The following AGBL4 variants were observed in gnomAD, a reference collection of about 807,000 sequenced individuals.
The protein encoded by AGBL4 is AGBL carboxypeptidase 4.
A neutral mutation model predicts 66.4 loss-of-function variants in AGBL4; 58 were observed. The observed-to-expected ratio is 0.87, with a 90% confidence interval of 0.71 to 1.09. The LOEUF (loss-of-function observed/expected upper bound fraction) is 1.09. AGBL4 is among the 50% of genes least tolerant of loss of function. The probability of loss-of-function intolerance (pLI) is 0.00; values close to 1 mark genes in which losing one functional copy is unlikely to be tolerated. For synonymous variants in AGBL4, 234 were observed against 222.9 expected (o/e 1.05, Z -0.44); for missense variants, 579 against 631.0 (o/e 0.92, Z 0.88).
intron 1 of AGBL4, among the ~76,000 whole-genome samples, chr1:50,009,100 T>TG (rs1661341831): frequency 6.6e-6 from 1 of 152,058 alleles, no homozygotes; most frequent in Non-Finnish European, 1.5e-5. Context: ...CCTACTATTT[T>TG]GAAAAACAGA....
At chr1:49,416,741 T>C in intron 3 of AGBL4, among the ~76,000 whole-genome samples, 2 of 152,090 alleles carry the variant, frequency 1.3e-5, no homozygotes, top group Non-Finnish European at 2.9e-5. Context: ...AGTCAATATA[T>C]ATAAAGTGTA....
chr1:49,602,790 G>C (rs1039721799), intron 3 of AGBL4, among the ~76,000 whole-genome samples: 1 of 150,996 alleles, frequency 6.6e-6, no homozygotes, highest in South Asian at 2.1e-4. Context: ...AAACCTCCAC[G>C]TTCTGCACAT....
chr1:49,476,723 T>G lies in AGBL4; in HGVS notation c.282+220590A>C, dbSNP rs978633234. ...ACTGTTTTATGTAATATAAGAATAG[T>G]GATCTCTGCTATTTTTTGTTTTAAA... On this transcript the variant is annotated intron_variant, in intron 3 of 13. Coordinates refer to ENST00000371839, the MANE Select transcript of AGBL4 (RefSeq NM_032785.4). 1.6e-4 allele frequency among the ~76,000 whole-genome samples: 24 copies of G among 152,244 alleles called. 1 individual carries two copies. The highest frequency in any genetic ancestry group is 7.2e-4 in the Admixed American group (11 of 15,280).
At chr1:49,359,367 A>G (rs1002301404) in intron 3 of AGBL4, among the ~76,000 whole-genome samples, 21 of 152,334 alleles carry the variant, frequency 1.4e-4, no homozygotes, top group Non-Finnish European at 2.6e-4. Flanking sequence ...TGTTTACCTC[A>G]CAAGTCTGAG....
At chr1:49,617,248 G>A (rs1645266668) in intron 3 of AGBL4, among the ~76,000 whole-genome samples, 1 of 152,064 alleles carries the variant, frequency 6.6e-6, no homozygotes, top group Non-Finnish European at 1.5e-5. Context: ...TTTTGCCCCT[G>A]TGTCTTCTGC....
intron 4 of AGBL4, among the ~76,000 whole-genome samples, chr1:49,144,059 T>C (rs537103458): frequency 6.6e-6 from 1 of 152,310 alleles, no homozygotes; most frequent in African/African-American, 2.4e-5. Flanking sequence ...TTCCTATCTG[T>C]AAGGTATGGA....
At chr1:49,716,910 G>C (rs1648190854) in intron 2 of AGBL4, among the ~76,000 whole-genome samples, 1 of 152,008 alleles carries the variant, frequency 6.6e-6, no homozygotes, top group Non-Finnish European at 1.5e-5. Flanking sequence ...TCAACATAGT[G>C]TTGGAAGTTC....
At chr1:49,183,002 C>T (rs1036760238) in intron 4 of AGBL4, among the ~76,000 whole-genome samples, 1 of 152,168 alleles carries the variant, frequency 6.6e-6, no homozygotes, top group East Asian at 1.9e-4. Flanking sequence ...ATGGCAATTT[C>T]ACCAAGAAAG....
chr1:49,275,240 C>T (rs562958485), intron 3 of AGBL4, among the ~76,000 whole-genome samples: 16 of 152,262 alleles, frequency 1.1e-4, no homozygotes, highest in African/African-American at 3.6e-4. Flanking sequence ...GATGTCTTAT[C>T]TACATGGTTT....
chr1:49,395,656 T>C (rs1321786238), intron 3 of AGBL4, among the ~76,000 whole-genome samples: 1 of 148,942 alleles, frequency 6.7e-6, no homozygotes, highest in Non-Finnish European at 1.5e-5. Context: ...AGAATGTATT[T>C]GAATCATCTG....
intron 2 of AGBL4, among the ~76,000 whole-genome samples, chr1:49,820,544 G>T (rs1231967892): frequency 2.6e-5 from 4 of 152,066 alleles, no homozygotes; most frequent in African/African-American, 9.7e-5. Context: ...TGCTATGAAT[G>T]CATGCAATAA....
At chr1:49,234,733 C>T (rs1385949595) in intron 4 of AGBL4, among the ~76,000 whole-genome samples, 1 of 152,126 alleles carries the variant, frequency 6.6e-6, no homozygotes, top group Non-Finnish European at 1.5e-5. Flanking sequence ...GGGACATTCC[C>T]AATTTAAAAC....
intron 3 of AGBL4, among the ~76,000 whole-genome samples, chr1:49,400,810 A>C (rs2148610514): frequency 6.6e-6 from 1 of 152,288 alleles, no homozygotes; most frequent in South Asian, 2.1e-4. Flanking sequence ...TCATTTGCAA[A>C]CAAGAATAAT....
At chr1:48,826,485 C>G (rs902158780) in intron 6 of AGBL4, among the ~76,000 whole-genome samples, 2 of 152,090 alleles carry the variant, frequency 1.3e-5, no homozygotes, top group Non-Finnish European at 2.9e-5. Context: ...CACACCCAAC[C>G]AAAAGCAGGT....
chr1:49,716,251 C>T (rs1452075154), intron 2 of AGBL4, among the ~76,000 whole-genome samples: 2 of 152,010 alleles, frequency 1.3e-5, no homozygotes, highest in Admixed American at 1.3e-4. Flanking sequence ...TGTCAAAGAT[C>T]AGATGGTTGT....
intron 1 of AGBL4, among the ~76,000 whole-genome samples, chr1:49,998,947 C>T (rs1216708587): frequency 1.3e-5 from 2 of 151,984 alleles, no homozygotes; most frequent in Non-Finnish European, 2.9e-5. Flanking sequence ...GTAATAAAAG[C>T]CATCTAAACA....
chr1:49,574,464 G>A (rs1644395984), intron 3 of AGBL4, among the ~76,000 whole-genome samples: 2 of 152,192 alleles, frequency 1.3e-5, no homozygotes, highest in South Asian at 4.1e-4. Context: ...AAGGCTTAGG[G>A]AGATTGGTAT....
chr1:49,723,936 CCAT>C (rs1454339178), intron 2 of AGBL4, among the ~76,000 whole-genome samples: 5 of 152,068 alleles, frequency 3.3e-5, no homozygotes, highest in Admixed American at 1.3e-4. Flanking sequence ...GCAGAATAAG[CCAT>C]CAGGATTCCA....
At chr1:48,713,280 A>G (rs1199222722) in intron 6 of AGBL4, among the ~76,000 whole-genome samples, 1 of 152,206 alleles carries the variant, frequency 6.6e-6, no homozygotes, top group African/African-American at 2.4e-5. Context: ...TCCTGGGCTG[A>G]GAAGTAACCC....
Sources: gnomAD v4.1 joint callset for allele counts (sites outside exome capture counted in the v4.1 genomes callset) on GRCh38, gnomAD v4.1.1 for gene constraint, MANE v1.5 for transcripts, NCBI Gene and HGNC (gene_info 2026-07-23, HGNC 2026-07-21) for gene names.